Variants in PCLO observed in about 807,000 individuals in gnomAD.
PCLO encodes piccolo presynaptic cytomatrix protein.
A neutral mutation model predicts 427.5 loss-of-function variants in PCLO; 82 were observed. The ratio of observed to expected loss-of-function variants is 0.19; its 90% CI spans 0.16 to 0.23. PCLO has a LOEUF of 0.23. Among genes scored for constraint, PCLO ranks in the 10% least tolerant of loss-of-function variants. The pLI is 1.00. For missense variants in PCLO, 6,239 were observed against 6,115.9 expected (o/e 1.02, Z -0.67); for synonymous variants, 2,357 against 2,155.4 (o/e 1.09, Z -2.59).
At chr7:82,781,138 T>G (rs1790863708) in intron 22 of PCLO, among the ~76,000 whole-genome samples, 1 of 151,768 alleles carries the variant, frequency 6.6e-6, no homozygotes, top group Non-Finnish European at 1.5e-5. Context: ...ATCAATAGAT[T>G]TAAAAAATTT....
At chr7:82,879,996 C>A in intron 9 of PCLO, 2 of 311,008 alleles carry the variant, frequency 6.4e-6, no homozygotes, top group South Asian at 2.8e-5. Context: ...CTACAAGACA[C>A]GATAAAATTA....
intron 3 of PCLO, among the ~76,000 whole-genome samples, chr7:83,121,562 C>T (rs543297102): frequency 2.0e-5 from 3 of 151,964 alleles, no homozygotes; most frequent in Non-Finnish European, 4.4e-5. Context: ...ACTGAACTCT[C>T]CAATCAAAGA....
chr7:83,105,753 A>C (rs1453027431), intron 3 of PCLO, among the ~76,000 whole-genome samples: 5 of 152,214 alleles, frequency 3.3e-5, no homozygotes, highest in Non-Finnish European at 7.3e-5. Flanking sequence ...CTATGAAAAA[A>C]TTACTGAGAA....
chr7:83,101,900 T>A (rs1223294002), intron 3 of PCLO, among the ~76,000 whole-genome samples: 2 of 151,912 alleles, frequency 1.3e-5, no homozygotes, highest in East Asian at 3.8e-4. Flanking sequence ...AAACCCACAC[T>A]TTTTTTTCTG....
Position 82,955,426 on chromosome 7 carries a change from G to A in PCLO, c.5527C>T (p.Arg1843Cys), listed in dbSNP as rs934051413. The change falls in exon 5 of 25, where the codon CGT (arginine) becomes TGT (cysteine). Residue 1843 changes from arginine (R) to cysteine (C), a missense_variant. Physicochemically the swap from Arg to Cys is radical, Grantham distance 180. This residue lies in a region of PCLO where 4,677 missense variants were observed against 4,468.4 expected (regional missense o/e 1.05). Transcript: ENST00000333891. Reference sequence around the variant, plus strand: ...AGCTCCTCCATTTCTGCAGCCTGACGTAACTCTTCTGTCGGAGATGCATCT... The same window carrying A: ...AGCTCCTCCATTTCTGCAGCCTGACATAACTCTTCTGTCGGAGATGCATCT... ...IEDASPTEEL[R>C]QAAEMEELHR... 21 of 1,613,658 alleles carry A rather than the reference G, an allele frequency of 1.3e-5. No individual in the cohort carries two copies. Among genetic ancestry groups the A allele is most frequent in the Middle Eastern group, 1.6e-4 (1 of 6,084 alleles).
At chr7:82,878,785 G>A (rs1052113309) in intron 10 of PCLO, among the ~76,000 whole-genome samples, 5 of 152,212 alleles carry the variant, frequency 3.3e-5, no homozygotes, top group African/African-American at 1.2e-4. Context: ...TAGTTTAGAT[G>A]CTGCAGACCA....
chr7:83,039,283 T>C (rs1049766977), intron 3 of PCLO, among the ~76,000 whole-genome samples: 30 of 152,170 alleles, frequency 2.0e-4, no homozygotes, highest in African/African-American at 7.0e-4. Flanking sequence ...TATGAATCCA[T>C]TGCTAAATCC....
chr7:82,936,050 T>A (rs1383072848), intron 6 of PCLO, among the ~76,000 whole-genome samples: 1 of 151,682 alleles, frequency 6.6e-6, no homozygotes, highest in African/African-American at 2.4e-5. Flanking sequence ...AATATAGAAC[T>A]TGAACAACAC....
intron 3 of PCLO, among the ~76,000 whole-genome samples, chr7:83,013,363 T>TGCCTTCTCGTATA (rs1207505011): frequency 6.6e-6 from 1 of 152,196 alleles, no homozygotes; most frequent in East Asian, 1.9e-4. Flanking sequence ...GAATTATATA[T>TGCCTTCTCGTATA]GCCTTCTCGT....
chr7:83,145,627 A>T (rs1170430791), intron 2 of PCLO, among the ~76,000 whole-genome samples: 1 of 152,202 alleles, frequency 6.6e-6, no homozygotes, highest in Admixed American at 6.5e-5. Flanking sequence ...AATGGAGTCA[A>T]TAATGATGGT....
chr7:83,030,914 T>C (rs1049843333), intron 3 of PCLO, among the ~76,000 whole-genome samples: 1 of 152,192 alleles, frequency 6.6e-6, no homozygotes, highest in Non-Finnish European at 1.5e-5. Flanking sequence ...TATTAATTTT[T>C]GTACTTGGTT....
chr7:83,115,627 A>C (rs561887783), intron 3 of PCLO, among the ~76,000 whole-genome samples: 1 of 152,176 alleles, frequency 6.6e-6, no homozygotes, highest in South Asian at 2.1e-4. Flanking sequence ...GTTTTCTCAT[A>C]ATTCAAAAAA....
chr7:82,776,674 A>C (rs1790757595), intron 22 of PCLO, among the ~76,000 whole-genome samples: 1 of 152,072 alleles, frequency 6.6e-6, no homozygotes, highest in African/African-American at 2.4e-5. Context: ...GTGCGCCTGT[A>C]ATCCCAGCTA....
intron 3 of PCLO, among the ~76,000 whole-genome samples, chr7:82,989,528 A>G (rs538103539): frequency 2.0e-5 from 3 of 152,144 alleles, no homozygotes; most frequent in Admixed American, 6.5e-5. Flanking sequence ...CAAATGAAAT[A>G]TGGCATTCTC....
chr7:82,825,019 T>A (rs1352779017), intron 18 of PCLO, among the ~76,000 whole-genome samples: 1 of 152,102 alleles, frequency 6.6e-6, no homozygotes, highest in Non-Finnish European at 1.5e-5. Flanking sequence ...ACTAGCAACC[T>A]TGAAAAATGT....
At chr7:82,879,995 A>C (rs2116047440) in intron 9 of PCLO, 1 of 318,094 alleles carries the variant, frequency 3.1e-6, no homozygotes, top group Non-Finnish European at 6.0e-6. Context: ...TCTACAAGAC[A>C]CGATAAAATT....
At position 82,792,876 on chromosome 7, in the gene PCLO, T is replaced by G. The variant is rs187491164; in HGVS notation, c.15007+8642A>C. Among the ~76,000 whole-genome samples the G allele has an allele frequency of 9.3e-4, 142 of 152,294 alleles. 1 individual carries two copies. The highest frequency in any genetic ancestry group is 3.3e-3 in the African/African-American group (139 of 41,576). ...TAGCTTTTCTCATCCTTGTCATATA[T>G]TACGATCTTGGTTAAACTAACATTT... On this transcript the variant is annotated intron_variant, in intron 22 of 24. Transcript: ENST00000333891.
intron 20 of PCLO, among the ~76,000 whole-genome samples, chr7:82,814,636 T>C (rs955562163): frequency 6.6e-6 from 1 of 151,782 alleles, no homozygotes; most frequent in Non-Finnish European, 1.5e-5. Context: ...ATTTATCATA[T>C]TCAAAATAAA....
At chr7:82,975,251 A>C (rs1795992054) in intron 3 of PCLO, among the ~76,000 whole-genome samples, 1 of 152,228 alleles carries the variant, frequency 6.6e-6, no homozygotes, top group African/African-American at 2.4e-5. Flanking sequence ...CATTATAGGG[A>C]AATTTTATGT....
Sources: allele counts gnomAD v4.1 joint callset (sites outside exome capture counted in the v4.1 genomes callset), GRCh38; gene constraint gnomAD v4.1.1; regional missense constraint gnomAD v4.1.1; transcripts MANE v1.5; gene names NCBI Gene and HGNC (gene_info 2026-07-23, HGNC 2026-07-21).